TENM4: variants seen among roughly 807,000 people sequenced by gnomAD.
TENM4 encodes the protein teneurin-4.
A neutral mutation model predicts 243.3 loss-of-function variants in TENM4; 82 were observed. That is an observed-to-expected ratio of 0.34 (90% CI 0.28 to 0.40). TENM4 has a LOEUF of 0.40. Ranked by LOEUF, TENM4 falls within the 10% of genes least tolerant of loss-of-function variation. The pLI is 1.00. For missense variants in TENM4, 3,138 were observed against 3,673.3 expected (o/e 0.85, Z 3.77); for synonymous variants, 1,412 against 1,456.3 (o/e 0.97, Z 0.69).
At chr11:79,366,738 A>G (rs1254458142) in intron 1 of TENM4, among the ~76,000 whole-genome samples, 3 of 152,202 alleles carry the variant, frequency 2.0e-5, no homozygotes, top group South Asian at 4.1e-4. Context: ...AAGGTACTAT[A>G]TTCTTTCTTG....
chr11:79,362,380 ACG>A (rs1172153290), intron 1 of TENM4, among the ~76,000 whole-genome samples: 43 of 152,352 alleles, frequency 2.8e-4, no homozygotes, highest in African/African-American at 9.9e-4. Context: ...TACTGTATAC[ACG>A]GAAATAGGAT....
rs1453449785 is a variant in TENM4, at chr11:79,249,076, C to T, written c.-264-33167G>A. ...TTTTATTTAGCATCATTGACACAAC[C>T]CTAGTAGCATGCAGTAACAATTACT... On this transcript the variant is annotated intron_variant, in intron 2 of 33. Coordinates refer to ENST00000278550, the MANE Select transcript of TENM4 (RefSeq NM_001098816.3). Among the ~76,000 whole-genome samples the T allele has an allele frequency of 5.3e-5, 8 of 152,184 alleles. No individual in the cohort carries two copies. The East Asian group carries it at 9.6e-4, about 18-fold the overall frequency.
At chr11:78,923,843 C>CCT (rs1554978043) in intron 6 of TENM4, among the ~76,000 whole-genome samples, 52 of 142,692 alleles carry the variant, frequency 3.6e-4, no homozygotes, top group Non-Finnish European at 9.1e-5. Context: ...CCTCGCTATT[C>CCT]TTTTTTTTTT....
At chr11:79,109,801 A>G (rs1861463982) in intron 4 of TENM4, among the ~76,000 whole-genome samples, 1 of 152,126 alleles carries the variant, frequency 6.6e-6, no homozygotes, top group Admixed American at 6.5e-5. Flanking sequence ...TTTGAATCCT[A>G]CCTCTGTCAC....
chr11:79,427,711 T>G (rs1859084999), intron 1 of TENM4, among the ~76,000 whole-genome samples: 1 of 152,146 alleles, frequency 6.6e-6, no homozygotes, highest in Non-Finnish European at 1.5e-5. Flanking sequence ...GAAAACCACA[T>G]TAAACAAAAA....
At chr11:79,211,415 T>A (rs1212325180) in intron 3 of TENM4, among the ~76,000 whole-genome samples, 1 of 152,186 alleles carries the variant, frequency 6.6e-6, no homozygotes, top group Non-Finnish European at 1.5e-5. Context: ...TTTCAAAGTG[T>A]GCGCCAGGGA....
At chr11:78,732,727 C>A (rs569618281) in intron 20 of TENM4, 150 bp from the exon 21 acceptor site, 3 of 902,438 alleles carry the variant, frequency 3.3e-6, no homozygotes, top group African/African-American at 3.3e-5. Context: ...TATTTGACTG[C>A]AGCTCCAAAC....
intron 4 of TENM4, among the ~76,000 whole-genome samples, chr11:79,125,552 A>T (rs187931083): frequency 5.6e-4 from 86 of 152,304 alleles, no homozygotes; most frequent in African/African-American, 1.9e-3. Context: ...GGACCCTGCA[A>T]CTTGGAATGG....
intron 12 of TENM4, among the ~76,000 whole-genome samples, chr11:78,844,471 G>A (rs1178611982): frequency 4.6e-5 from 7 of 152,072 alleles, no homozygotes; most frequent in African/African-American, 7.2e-5. Context: ...GTGAAACCCC[G>A]TCTCTACTAA....
intron 3 of TENM4, among the ~76,000 whole-genome samples, chr11:79,209,667 G>A (rs768982745): frequency 3.9e-5 from 6 of 152,184 alleles, no homozygotes; most frequent in Non-Finnish European, 7.3e-5. Flanking sequence ...GATAGACATG[G>A]TCTGGAAAGA....
At chr11:79,212,057 G>A (rs1008941) in intron 3 of TENM4, among the ~76,000 whole-genome samples, 7,062 of 152,294 alleles carry the variant, frequency 0.046, 195 homozygotes, top group Middle Eastern at 0.12. Flanking sequence ...CCCCAGCACC[G>A]TTTCCTAAAC....
rs753298851 is a variant in TENM4 at position 78,712,447 on chromosome 11, A to G, written c.4054+35T>C. The G allele has an allele frequency of 9.5e-6, 15 of 1,577,864 alleles. No homozygotes were observed. In the East Asian group the frequency reaches 2.7e-4, roughly 29 times the overall value. On this transcript the variant is annotated intron_variant, in intron 26 of 33. Transcript: ENST00000278550. ...TCTGAAAAGGAAAATACCCCAATAAATGTTATTGACAATGTCTCTAAGGCA... is the reference window on the plus strand; with the variant it reads ...TCTGAAAAGGAAAATACCCCAATAAGTGTTATTGACAATGTCTCTAAGGCA...
At chr11:79,288,879 T>C (rs962816607) in intron 2 of TENM4, among the ~76,000 whole-genome samples, 2 of 151,226 alleles carry the variant, frequency 1.3e-5, no homozygotes, top group African/African-American at 4.9e-5. Flanking sequence ...TAGTGTGTGG[T>C]AAATTAAAAA....
At chr11:79,166,027 C>A (rs1489645488) in intron 3 of TENM4, among the ~76,000 whole-genome samples, 1 of 152,126 alleles carries the variant, frequency 6.6e-6, no homozygotes, top group African/African-American at 2.4e-5. Flanking sequence ...TTCTCTGACA[C>A]CACATTATAC....
rs543127538 is a variant in TENM4, at chr11:78,708,780, C to T, written c.4055-265G>A. Among the ~76,000 whole-genome samples, 178 of 152,208 alleles carry T rather than the reference C, an allele frequency of 1.2e-3. 2 individuals are homozygous for T. The highest frequency in any genetic ancestry group is 1.0e-4 in the Non-Finnish European group (7 of 67,998). The stretch of plus-strand genomic sequence containing the variant: ...GCCTCCTGAGATTTTAATCTATCCC[C>T]TTAGCCATCCACTAAACCTGGATTC... On this transcript the variant is annotated intron_variant, in intron 26 of 33. Coordinates refer to ENST00000278550, the MANE Select transcript of TENM4 (RefSeq NM_001098816.3).
At chr11:79,012,807 C>T (rs948657051) in intron 6 of TENM4, among the ~76,000 whole-genome samples, 3 of 152,156 alleles carry the variant, frequency 2.0e-5, no homozygotes, top group African/African-American at 7.2e-5. Context: ...CGACCTTTCC[C>T]AGCTCCCCTG....
chr11:78,695,230 G>A (rs1858929421), intron 28 of TENM4, among the ~76,000 whole-genome samples: 1 of 151,444 alleles, frequency 6.6e-6, no homozygotes, highest in South Asian at 2.1e-4. Flanking sequence ...ATTTTTTTTT[G>A]GTAGAGATGG....
chr11:78,756,775 C>T, intron 19 of TENM4, 30 bp downstream of exon 19: 3 of 1,594,392 alleles, frequency 1.9e-6, no homozygotes, highest in African/African-American at 1.3e-5. Flanking sequence ...CTCAGAGAGC[C>T]CTGGCTGGAG....
intron 6 of TENM4, among the ~76,000 whole-genome samples, chr11:79,049,517 CA>C (rs1328502235): frequency 6.6e-6 from 1 of 152,226 alleles, no homozygotes; most frequent in Non-Finnish European, 1.5e-5. Context: ...AAGGAGTTAA[CA>C]TAGCAGGCCG....
Sources: gnomAD v4.1 joint callset for allele counts (sites outside exome capture counted in the v4.1 genomes callset) on GRCh38, gnomAD v4.1.1 for gene constraint, MANE v1.5 for transcripts, NCBI Gene and HGNC (gene_info 2026-07-23, HGNC 2026-07-21) for gene names.